BCAS3: variants seen among roughly 807,000 people sequenced by gnomAD.
BCAS3 encodes the protein BCAS4/BCAS3 fusion.
A neutral mutation model predicts 116.1 loss-of-function variants in BCAS3; 53 were observed. That is an observed-to-expected ratio of 0.46 (90% CI 0.37 to 0.57). BCAS3 has a LOEUF of 0.57. BCAS3 is among the 20% of genes least tolerant of loss of function. The probability of loss-of-function intolerance (pLI) is 0.00; values close to 1 mark genes in which losing one functional copy is unlikely to be tolerated. For missense variants in BCAS3, 917 were observed against 1,165.4 expected, an observed-to-expected ratio of 0.79 and a Z score of 3.10; for synonymous variants, 391 against 408.2, an observed-to-expected ratio of 0.96 and a Z score of 0.51.
At chr17:60,839,646 A>C (rs896317930) in intron 7 of BCAS3, among the ~76,000 whole-genome samples, 4 of 152,152 alleles carry the variant, frequency 2.6e-5, no homozygotes, top group East Asian at 1.9e-4. Context: ...AACAAGACCA[A>C]CTGGCTTTTG....
chr17:60,976,337 A>T (rs989843471), intron 14 of BCAS3, among the ~76,000 whole-genome samples: 7 of 150,614 alleles, frequency 4.6e-5, no homozygotes, highest in Non-Finnish European at 8.9e-5. Context: ...AGGTTTTTGT[A>T]TGAACGTATG....
chr17:60,684,713 A>G (rs2033764957), intron 3 of BCAS3, among the ~76,000 whole-genome samples: 1 of 152,142 alleles, frequency 6.6e-6, no homozygotes, highest in Non-Finnish European at 1.5e-5. Flanking sequence ...TTCTTATGAA[A>G]TGGTACCTTT....
At chr17:60,771,204 A>G (rs947167552) in intron 6 of BCAS3, among the ~76,000 whole-genome samples, 2 of 152,074 alleles carry the variant, frequency 1.3e-5, no homozygotes, top group African/African-American at 4.8e-5. Flanking sequence ...CGCTTTTACC[A>G]CATCACATGA....
intron 7 of BCAS3, among the ~76,000 whole-genome samples, chr17:60,861,879 A>G (rs940650478): frequency 1.3e-5 from 2 of 152,072 alleles, no homozygotes; most frequent in African/African-American, 4.8e-5. Context: ...GTGCTGCTGG[A>G]TTTGATTTGC....
At chr17:61,154,323 T>C (rs1016967199) in intron 22 of BCAS3, among the ~76,000 whole-genome samples, 2 of 152,220 alleles carry the variant, frequency 1.3e-5, no homozygotes, top group African/African-American at 4.8e-5. Context: ...CTTTGTGTGC[T>C]GGACCAGCCT....
At chr17:60,986,640 CT>C (rs1353892173) in intron 14 of BCAS3, among the ~76,000 whole-genome samples, 1 of 152,066 alleles carries the variant, frequency 6.6e-6, no homozygotes, top group African/African-American at 2.4e-5. Context: ...ATTTGTATGT[CT>C]TTTGAGAAAA....
At position 61,302,483 on chromosome 17, in the gene BCAS3, AT is replaced by A. The variant is rs1171984256; in HGVS notation, c.2426-65842del. On this transcript the variant is annotated intron_variant, in intron 22 of 23. Transcript: ENST00000407086. The surrounding 1 kb of genome is among the most constrained non-coding windows in gnomAD (Gnocchi z 4.4). ...TCTTGAGGAATGAAATATCCTCTTT[AT>A]TATGAATTAAGAACTGGAAATTAAG... Among the ~76,000 whole-genome samples, 2 of 152,218 alleles carry A rather than the reference AT, an allele frequency of 1.3e-5. No individual in the cohort carries two copies. Among genetic ancestry groups the A allele is most frequent in the African/African-American group, 2.4e-5 (1 of 41,460 alleles).
chr17:61,017,166 C>CT lies in BCAS3; in HGVS notation c.1637+1266dup, dbSNP rs1446467654. 1 of 152,098 alleles carries CT rather than the reference C, an allele frequency of 6.6e-6. No homozygotes were observed. The highest frequency in any genetic ancestry group is 2.4e-5 in the African/African-American group (1 of 41,436). 9.4% of individuals were successfully genotyped at this position (152,098 alleles called of 1,614,324 possible). A position where few individuals can be genotyped will look rare whatever the true frequency, so the allele number is the denominator to read the frequency against. On this transcript the variant is annotated intron_variant, in intron 16 of 23. Transcript: ENST00000407086. This position sits in a 1 kb window ranked among gnomAD's most constrained non-coding sequence, Gnocchi z 4.7. ...TAAATTGGATTTCAACTTTCTCTTCCTCTGTTAGTTTATTTTAAAATAATT... is the reference window on the plus strand; with the variant it reads ...TAAATTGGATTTCAACTTTCTCTTCCTTCTGTTAGTTTATTTTAAAATAATT...
At chr17:61,284,250 A>T (rs1310180139) in intron 22 of BCAS3, among the ~76,000 whole-genome samples, 1 of 152,136 alleles carries the variant, frequency 6.6e-6, no homozygotes, top group African/African-American at 2.4e-5. Context: ...GCAGTCGCAA[A>T]CCTGCTCAGG....
chr17:61,201,013 G>GTA (rs968237903), intron 22 of BCAS3, among the ~76,000 whole-genome samples: 20 of 151,406 alleles, frequency 1.3e-4, no homozygotes, highest in Admixed American at 3.3e-4. Context: ...AGGACAAATA[G>GTA]TATATATAAA....
chr17:60,756,783 A>G (rs925964190), intron 6 of BCAS3, among the ~76,000 whole-genome samples: 1 of 152,162 alleles, frequency 6.6e-6, no homozygotes, highest in South Asian at 2.1e-4. Flanking sequence ...AATACCAAGT[A>G]ATGGGATTGC....
chr17:61,314,962 G>C (rs1348424712), intron 22 of BCAS3, among the ~76,000 whole-genome samples: 2 of 152,062 alleles, frequency 1.3e-5, no homozygotes, highest in East Asian at 3.9e-4. Context: ...TTCCAAATTT[G>C]AATGCTCTTA....
chr17:61,334,482 G>A (rs2058171), intron 22 of BCAS3, among the ~76,000 whole-genome samples: 21,511 of 151,908 alleles, frequency 0.14, 2,343 homozygotes, highest in African/African-American at 0.31. Flanking sequence ...CCTGACCAAC[G>A]TGGAGAAACC....
At chr17:60,853,408 A>G (rs920882847) in intron 7 of BCAS3, among the ~76,000 whole-genome samples, 1 of 152,226 alleles carries the variant, frequency 6.6e-6, no homozygotes, top group Non-Finnish European at 1.5e-5. Flanking sequence ...CTTTCAAAAT[A>G]TATGTTTGAA....
chr17:61,125,306 A>G (rs1431631769), intron 22 of BCAS3, among the ~76,000 whole-genome samples: 1 of 152,164 alleles, frequency 6.6e-6, no homozygotes. Flanking sequence ...GAAGTGTAAC[A>G]TTCATCAGCC....
At chr17:60,958,792 C>G (rs1302556509) in intron 14 of BCAS3, among the ~76,000 whole-genome samples, 1 of 152,196 alleles carries the variant, frequency 6.6e-6, no homozygotes, top group Non-Finnish European at 1.5e-5. Flanking sequence ...TCAAGACTTA[C>G]TAAAACTACA....
intron 19 of BCAS3, among the ~76,000 whole-genome samples, chr17:61,070,846 C>A (rs910589824): frequency 2.0e-5 from 3 of 152,118 alleles, no homozygotes; most frequent in African/African-American, 7.2e-5. Context: ...TTACTGATTT[C>A]TTTGTATGAA....
intron 22 of BCAS3, among the ~76,000 whole-genome samples, chr17:61,359,891 C>A (rs531162071): frequency 6.6e-6 from 1 of 152,314 alleles, no homozygotes; most frequent in South Asian, 2.1e-4. Context: ...CTATCTGCTT[C>A]CTTAAAGTTT....
rs1352488612 is a variant in BCAS3, at chr17:61,126,780, CTG to C, written c.2425+42220_2425+42221del. 6.6e-6 allele frequency among the ~76,000 whole-genome samples: 1 copy of C among 152,128 alleles called. No individual in the cohort carries two copies. The highest frequency in any genetic ancestry group is 1.5e-5 in the Non-Finnish European group (1 of 68,024). On this transcript the variant is annotated intron_variant, in intron 22 of 23. Transcript: ENST00000407086. This position sits in a 1 kb window ranked among gnomAD's most constrained non-coding sequence, Gnocchi z 4.6. ...TTATTCTTGTAACCTTTAACATGAA[CTG>C]TGTCTAATTTTGGTCTCTCTTAACT...
Sources: gnomAD v4.1 joint callset for allele counts (sites outside exome capture counted in the v4.1 genomes callset) on GRCh38, gnomAD v4.1.1 for gene constraint, Gnocchi (gnomAD v3.1) non-coding constraint, MANE v1.5 for transcripts, NCBI Gene and HGNC (gene_info 2026-07-23, HGNC 2026-07-21) for gene names.